Variants in L3MBTL4 observed in about 807,000 individuals in gnomAD.
The protein encoded by L3MBTL4 is lethal(3)malignant brain tumor-like protein 4.
In L3MBTL4, 70 loss-of-function variants were observed where a neutral mutation model predicts 84.5. The observed-to-expected ratio is 0.83, with a 90% CI of 0.68 to 1.01. The LOEUF (loss-of-function observed/expected upper bound fraction) is 1.01. L3MBTL4 is among the 50% of genes least tolerant of loss of function. The pLI is 0.00. For synonymous variants in L3MBTL4, 274 were observed against 259.8 expected (o/e 1.05, Z -0.52); for missense variants, 715 against 754.8 (o/e 0.95, Z 0.62).
At chr18:6,030,186 A>T in intron 16 of L3MBTL4, 2 of 830,472 alleles carry the variant, frequency 2.4e-6, no homozygotes, top group Non-Finnish European at 2.9e-6. Flanking sequence ...AGAAAGACAC[A>T]CAAGAGAAGT....
At chr18:6,279,581 G>GAGC (rs1197985882) in intron 4 of L3MBTL4, among the ~76,000 whole-genome samples, 4 of 152,304 alleles carry the variant, frequency 2.6e-5, no homozygotes, top group African/African-American at 4.8e-5. Flanking sequence ...CTGCAGTAAA[G>GAGC]AGCACATCTG....
At chr18:6,172,372 AG>A (rs753957724) in intron 12 of L3MBTL4, among the ~76,000 whole-genome samples, 3 of 152,206 alleles carry the variant, frequency 2.0e-5, no homozygotes, top group Non-Finnish European at 4.4e-5. Context: ...GGAAATACAC[AG>A]ATTAGAGTAT....
chr18:6,298,417 T>C (rs1031828970), intron 4 of L3MBTL4, among the ~76,000 whole-genome samples: 8 of 152,354 alleles, frequency 5.3e-5, no homozygotes, highest in African/African-American at 1.9e-4. Flanking sequence ...TATCTATTAT[T>C]GACCTTTCAT....
intron 16 of L3MBTL4, among the ~76,000 whole-genome samples, chr18:6,059,479 A>G (rs2057134281): frequency 6.6e-6 from 1 of 152,216 alleles, no homozygotes; most frequent in Non-Finnish European, 1.5e-5. Flanking sequence ...ACCTTAAACC[A>G]AAGTCTTGTA....
At position 6,269,382 on chromosome 18, in the gene L3MBTL4, G is replaced by C. The variant is rs939304152; in HGVS notation, c.128-5344C>G. ...TGAGGCAGGAGAATGGCGTGAACCC[G>C]GGAAGGAGAGTGTACAGTGAGCCAA... is the stretch of plus-strand genomic sequence containing the variant. On this transcript the variant is annotated intron_variant, in intron 4 of 18. Transcript: ENST00000317931. 2.6e-5 allele frequency among the ~76,000 whole-genome samples: 4 copies of C among 152,104 alleles called. No individual in the cohort carries two copies. In the South Asian group the frequency reaches 8.3e-4, roughly 32 times the overall value.
intron 16 of L3MBTL4, among the ~76,000 whole-genome samples, chr18:6,078,777 T>G (rs555389041): frequency 2.8e-4 from 43 of 152,300 alleles, no homozygotes; most frequent in African/African-American, 9.9e-4. Context: ...ATTTCTATTA[T>G]TATTACATTG....
At chr18:6,113,325 T>G (rs572019615) in intron 14 of L3MBTL4, among the ~76,000 whole-genome samples, 1 of 152,180 alleles carries the variant, frequency 6.6e-6, no homozygotes, top group East Asian at 1.9e-4. Context: ...ATCTTCTGTT[T>G]TTAGAAACTG....
At chr18:6,406,652 C>T (rs900981744) in intron 1 of L3MBTL4, among the ~76,000 whole-genome samples, 2 of 152,042 alleles carry the variant, frequency 1.3e-5, no homozygotes, top group Non-Finnish European at 1.5e-5. Flanking sequence ...ACAGACATCT[C>T]GTGAGGTGAG....
At chr18:6,120,173 C>T (rs1030669175) in intron 14 of L3MBTL4, among the ~76,000 whole-genome samples, 1 of 152,196 alleles carries the variant, frequency 6.6e-6, no homozygotes, top group African/African-American at 2.4e-5. Flanking sequence ...GTGTTTTTAA[C>T]CTCACTCAAC....
intron 1 of L3MBTL4, among the ~76,000 whole-genome samples, chr18:6,387,269 C>T (rs341194): frequency 0.51 from 77,914 of 151,964 alleles, 20,155 homozygotes; most frequent in East Asian, 0.59. Flanking sequence ...TATTCCCTTG[C>T]CTACAAAGTG....
At position 6,373,612 on chromosome 18, in the gene L3MBTL4, C is replaced by T. The variant is rs571198241; in HGVS notation, c.-91+41189G>A. 2.1e-3 allele frequency among the ~76,000 whole-genome samples: 314 copies of T among 152,248 alleles called. 1 individual carries two copies. The highest frequency in any genetic ancestry group is 3.7e-3 in the Non-Finnish European group (253 of 68,026). ...TGTACCCTGCCAACAAGGAAGCCAA[C>T]CCAGTGTTGGCAAAGCAAACTCTCA... On this transcript the variant is annotated intron_variant, in intron 1 of 18. Coordinates refer to ENST00000317931, the MANE Select transcript of L3MBTL4 (RefSeq NM_001330559.2).
chr18:6,017,936 T>C (rs921972705), intron 16 of L3MBTL4: 6 of 152,020 alleles, frequency 3.9e-5, no homozygotes, highest in South Asian at 2.1e-4. Context: ...TGTCTTGGAG[T>C]TGACTGGACA....
intron 16 of L3MBTL4, among the ~76,000 whole-genome samples, chr18:6,054,976 G>A (rs183510907): frequency 6.6e-6 from 1 of 152,274 alleles, no homozygotes; most frequent in African/African-American, 2.4e-5. Flanking sequence ...CTAAAATACA[G>A]TTGAAAACAC....
chr18:6,285,520 A>G (rs1445821697), intron 4 of L3MBTL4, among the ~76,000 whole-genome samples: 1 of 150,726 alleles, frequency 6.6e-6, no homozygotes, highest in Non-Finnish European at 1.5e-5. Flanking sequence ...TTGTAAGTAT[A>G]TGTGAAAGTC....
chr18:6,269,467 CA>C (rs1374602944), intron 4 of L3MBTL4, among the ~76,000 whole-genome samples: 1 of 151,322 alleles, frequency 6.6e-6, no homozygotes, highest in Non-Finnish European at 1.5e-5. Flanking sequence ...AAAAAACAAA[CA>C]AAAAAAACAA....
intron 16 of L3MBTL4, among the ~76,000 whole-genome samples, chr18:6,021,733 G>A (rs1486030755): frequency 2.6e-5 from 4 of 152,114 alleles, no homozygotes; most frequent in Non-Finnish European, 4.4e-5. Flanking sequence ...ATTGCATGGC[G>A]CACCTCTGGT....
chr18:5,964,680 G>A (rs1180794074), intron 17 of L3MBTL4, among the ~76,000 whole-genome samples: 1 of 152,154 alleles, frequency 6.6e-6, no homozygotes, highest in Non-Finnish European at 1.5e-5. Flanking sequence ...CAATTTATAT[G>A]TGGTGCTTTA....
At chr18:5,966,769 C>T (rs2052372851) in intron 17 of L3MBTL4, among the ~76,000 whole-genome samples, 2 of 152,182 alleles carry the variant, frequency 1.3e-5, no homozygotes, top group Non-Finnish European at 2.9e-5. Context: ...ACTCTTTCCC[C>T]ATTCCTTCAG....
intron 5 of L3MBTL4, among the ~76,000 whole-genome samples, chr18:6,251,087 A>G (rs990978776): frequency 1.3e-5 from 2 of 152,242 alleles, no homozygotes; most frequent in Non-Finnish European, 2.9e-5. Flanking sequence ...AATGTCAAAA[A>G]TAATTCAAAT....
Sources: gnomAD v4.1 joint callset for allele counts (sites outside exome capture counted in the v4.1 genomes callset) on GRCh38, gnomAD v4.1.1 for gene constraint, MANE v1.5 for transcripts, NCBI Gene and HGNC (gene_info 2026-07-23, HGNC 2026-07-21) for gene names.